Variants in CCSER1 observed in about 807,000 individuals in gnomAD.
The protein encoded by CCSER1 is coiled-coil serine rich protein 1.
In CCSER1, 41 loss-of-function variants were observed where a neutral mutation model predicts 82.0. The observed-to-expected ratio is 0.50, with a 90% CI of 0.39 to 0.65. The LOEUF (loss-of-function observed/expected upper bound fraction) is 0.65, where lower values mean the gene tolerates loss of function less well. CCSER1 is among the 30% of genes least tolerant of loss of function. The pLI, the probability that CCSER1 is intolerant of heterozygous loss-of-function variation, is 0.00. For synonymous variants in CCSER1, 414 were observed against 383.9 expected (o/e 1.08, Z -0.92); for missense variants, 1,119 against 1,064.2 (o/e 1.05, Z -0.72).
chr4:91,280,643 A>G (rs1742845767), intron 10 of CCSER1, among the ~76,000 whole-genome samples: 1 of 152,172 alleles, frequency 6.6e-6, no homozygotes, highest in Non-Finnish European at 1.5e-5. Flanking sequence ...TGCAGCAGAC[A>G]TAAACAAGTG....
At chr4:90,526,381 A>G (rs750725892) in intron 5 of CCSER1, among the ~76,000 whole-genome samples, 3 of 152,076 alleles carry the variant, frequency 2.0e-5, no homozygotes, top group Non-Finnish European at 2.9e-5. Flanking sequence ...AGTTTTCTCA[A>G]TTGTAGCTAA....
At chr4:90,844,342 T>A (rs1269187202) in intron 8 of CCSER1, among the ~76,000 whole-genome samples, 2 of 152,196 alleles carry the variant, frequency 1.3e-5, no homozygotes, top group Admixed American at 1.3e-4. Flanking sequence ...CCTAAGGCAT[T>A]GATTCACATT....
intron 10 of CCSER1, among the ~76,000 whole-genome samples, chr4:91,246,150 A>C (rs1177310246): frequency 1.3e-5 from 2 of 152,218 alleles, no homozygotes; most frequent in African/African-American, 4.8e-5. Context: ...AATAACCACA[A>C]CAACATTTCA....
chr4:91,429,719 T>C (rs963274677), intron 10 of CCSER1, among the ~76,000 whole-genome samples: 1 of 151,944 alleles, frequency 6.6e-6, no homozygotes, highest in Non-Finnish European at 1.5e-5. Flanking sequence ...CTTACACTCA[T>C]GTTGTCATGA....
intron 10 of CCSER1, among the ~76,000 whole-genome samples, chr4:91,393,387 T>A (rs1247998561): frequency 6.6e-6 from 1 of 152,086 alleles, no homozygotes; most frequent in East Asian, 1.9e-4. Flanking sequence ...AAAATTGAAA[T>A]CTATATTGAG....
At chr4:90,227,509 A>G (rs1234453948) in intron 1 of CCSER1, among the ~76,000 whole-genome samples, 2 of 152,228 alleles carry the variant, frequency 1.3e-5, no homozygotes, top group East Asian at 3.9e-4. Context: ...TATTTAGTAA[A>G]AGACATCTAT....
intron 5 of CCSER1, among the ~76,000 whole-genome samples, chr4:90,479,081 G>A (rs192161886): frequency 8.6e-5 from 13 of 151,950 alleles, no homozygotes; most frequent in Admixed American, 7.9e-4. Flanking sequence ...TTTAGAATCT[G>A]ACACACTGTG....
In CCSER1 at chr4:90,128,833, C is replaced by T. The variant is rs371032346; in HGVS notation, c.-42+1002C>T. On this transcript the variant is annotated intron_variant, in intron 1 of 10. Transcript: ENST00000509176. ...GTATCCTGAACTGCTCTCTTTCTCT[C>T]TCTCTCTCTCTCCTCTCCCTGCCTC... Among the ~76,000 whole-genome samples, 53 of 152,118 alleles carry T rather than the reference C, an allele frequency of 3.5e-4. 1 individual carries two copies. The highest frequency in any genetic ancestry group is 1.2e-3 in the African/African-American group (50 of 41,494).
chr4:90,864,940 G>T (rs531808304), intron 8 of CCSER1, among the ~76,000 whole-genome samples: 2 of 152,056 alleles, frequency 1.3e-5, no homozygotes, highest in South Asian at 4.1e-4. Context: ...AGGTGTTCTC[G>T]AGAGGTTTTG....
chr4:91,442,953 C>A (rs1419705302), intron 10 of CCSER1, among the ~76,000 whole-genome samples: 4 of 152,076 alleles, frequency 2.6e-5, no homozygotes, highest in Non-Finnish European at 5.9e-5. Context: ...GAATGGCAAT[C>A]ATTAAAAAGT....
chr4:91,119,082 G>A (rs1020787182), intron 10 of CCSER1, among the ~76,000 whole-genome samples: 2 of 151,482 alleles, frequency 1.3e-5, no homozygotes, highest in African/African-American at 4.8e-5. Context: ...TGTATAAAAA[G>A]GGGCAGATGT....
At chr4:91,382,255 C>G (rs1467184399) in intron 10 of CCSER1, among the ~76,000 whole-genome samples, 2 of 152,008 alleles carry the variant, frequency 1.3e-5, no homozygotes, top group Non-Finnish European at 2.9e-5. Flanking sequence ...GATAAGGAAA[C>G]CTGCAGAGGT....
chr4:90,603,989 C>T (rs905401783), intron 5 of CCSER1, among the ~76,000 whole-genome samples: 8 of 149,628 alleles, frequency 5.3e-5, no homozygotes, highest in African/African-American at 1.7e-4. Context: ...TTTGAACCAT[C>T]GAGAAAGAAA....
At chr4:91,288,397 G>A (rs1217279869) in intron 10 of CCSER1, among the ~76,000 whole-genome samples, 2 of 151,880 alleles carry the variant, frequency 1.3e-5, no homozygotes, top group African/African-American at 4.8e-5. Flanking sequence ...GAGACCAGTT[G>A]TAGCAGACAC....
chr4:91,237,607 T>C (rs997864075), intron 10 of CCSER1, among the ~76,000 whole-genome samples: 1 of 152,150 alleles, frequency 6.6e-6, no homozygotes, highest in Non-Finnish European at 1.5e-5. Context: ...TTCGTCTCTA[T>C]TCTTATTTGG....
At chr4:90,941,201 G>T (rs943151987) in intron 9 of CCSER1, among the ~76,000 whole-genome samples, 2 of 152,010 alleles carry the variant, frequency 1.3e-5, no homozygotes, top group African/African-American at 4.8e-5. Flanking sequence ...GGACCCTTTT[G>T]CTAGGTACTT....
chr4:90,994,806 C>A (rs1737349280), intron 9 of CCSER1, among the ~76,000 whole-genome samples: 1 of 152,026 alleles, frequency 6.6e-6, no homozygotes, highest in Non-Finnish European at 1.5e-5. Context: ...AAGCCTATTT[C>A]TTTGCTGATT....
chr4:91,414,861 A>C (rs1257533538), intron 10 of CCSER1, among the ~76,000 whole-genome samples: 1 of 152,194 alleles, frequency 6.6e-6, no homozygotes, highest in Non-Finnish European at 1.5e-5. Flanking sequence ...TGATTGATTC[A>C]AGAGAACATA....
chr4:91,480,356 C>G (rs1023565003), intron 10 of CCSER1, among the ~76,000 whole-genome samples: 1 of 152,188 alleles, frequency 6.6e-6, no homozygotes, highest in Non-Finnish European at 1.5e-5. Flanking sequence ...CACAGTCCCA[C>G]CAACAGTGTA....
Sources: gnomAD v4.1 joint callset for allele counts (sites outside exome capture counted in the v4.1 genomes callset) on GRCh38, gnomAD v4.1.1 for gene constraint, MANE v1.5 for transcripts, NCBI Gene and HGNC (gene_info 2026-07-23, HGNC 2026-07-21) for gene names.